PPM1B: variants seen among roughly 807,000 people sequenced by gnomAD.
PPM1B encodes protein phosphatase 1B.
Under a neutral mutation model 43.0 loss-of-function variants are expected in PPM1B, and 22 were observed. The observed-to-expected ratio is 0.51, with a 90% CI of 0.37 to 0.73. The LOEUF is 0.73. Among genes scored for constraint, PPM1B ranks in the 30% least tolerant of loss-of-function variants. The pLI is 0.00. For missense variants in PPM1B, 632 were observed against 584.2 expected (o/e 1.08, Z -0.84); for synonymous variants, 217 against 197.9 (o/e 1.10, Z -0.81).
In PPM1B at chr2:44,201,046, G is replaced by T; in HGVS notation, c.-14-140G>T. 2 of 850,766 alleles carry T rather than the reference G, an allele frequency of 2.4e-6. No individual in the cohort carries two copies. Among genetic ancestry groups the T allele is most frequent in the Non-Finnish European group, 3.4e-6 (2 of 584,130 alleles). 52.7% of individuals were successfully genotyped at this position (850,766 alleles called of 1,614,324 possible). Reference sequence around the variant, plus strand: ...TAGGATGTAGGGGAGGAAATTTCTTGGGCTTTTGTTGTTGCTCCCGTAAAT... The same window carrying T: ...TAGGATGTAGGGGAGGAAATTTCTTTGGCTTTTGTTGTTGCTCCCGTAAAT... On this transcript the variant is annotated intron_variant, in intron 1 of 5. Transcript: ENST00000282412. The surrounding 1 kb of genome is among the most constrained non-coding windows in gnomAD (Gnocchi z 5.4).
chr2:44,188,196 C>G (rs1049966825), intron 1 of PPM1B, among the ~76,000 whole-genome samples: 2 of 152,130 alleles, frequency 1.3e-5, no homozygotes, highest in Admixed American at 6.6e-5. Flanking sequence ...ATGTTTAAAT[C>G]TGAAAAGCAG....
intron 1 of PPM1B, among the ~76,000 whole-genome samples, chr2:44,175,132 TAATCCTAGCTA>T: frequency 6.6e-6 from 1 of 152,272 alleles, no homozygotes; most frequent in African/African-American, 2.4e-5. Flanking sequence ...CATGTGCCTG[TAATCCTAGCTA>T]CTCAGGAGGC....
At chr2:44,178,304 C>A (rs1667683388) in intron 1 of PPM1B, among the ~76,000 whole-genome samples, 1 of 151,746 alleles carries the variant, frequency 6.6e-6, no homozygotes, top group African/African-American at 2.4e-5. Context: ...CATTTACATG[C>A]CATATATATA....
chr2:44,232,204 A>G, downstream of PPM1B: 2 of 1,460,244 alleles, frequency 1.4e-6, no homozygotes, highest in South Asian at 1.3e-5. Flanking sequence ...TACCCTTTTC[A>G]GACAAAGAAA....
intron 5 of PPM1B, among the ~76,000 whole-genome samples, chr2:44,227,357 A>G (rs891215457): frequency 6.6e-6 from 1 of 152,156 alleles, no homozygotes; most frequent in African/African-American, 2.4e-5. Flanking sequence ...CTTGTTGTGG[A>G]AAATTGGAAA....
In PPM1B at chr2:44,218,530, G is replaced by A. The variant is rs550959476; in HGVS notation, c.1127G>A (p.Ser376Asn). ...AGTAGACTGAATCCACATAGAGAAA[G>A]TGATGGGGTAAGTTTTATTTTATTT... Reference protein sequence around the residue: ...VYSRLNPHRESDGASDEAEES... With the variant: ...VYSRLNPHRENDGASDEAEES... The change falls in exon 5 of 6, where the codon AGT becomes AAT. Residue 376 changes from serine (S) to asparagine (N), a missense_variant. Coordinates refer to ENST00000282412, the MANE Select transcript of PPM1B (RefSeq NM_002706.6). 3 of 1,580,788 alleles carry A rather than the reference G, an allele frequency of 1.9e-6. No homozygotes were observed. In the African/African-American group the frequency reaches 4.1e-5, roughly 22 times the overall value.
At chr2:44,194,834 C>A (rs1289485811) in intron 1 of PPM1B, among the ~76,000 whole-genome samples, 1 of 151,642 alleles carries the variant, frequency 6.6e-6, no homozygotes, top group African/African-American at 2.4e-5. Context: ...TCAGCTAAAT[C>A]TGCTGTCTCT....
chr2:44,181,924 G>A lies in PPM1B; in HGVS notation c.-15+12650G>A, dbSNP rs957637512. Among the ~76,000 whole-genome samples, 6 of 151,996 alleles carry A rather than the reference G, an allele frequency of 3.9e-5. No individual in the cohort carries two copies. The South Asian group carries it at 1.2e-3, about 32-fold the overall frequency. On this transcript the variant is annotated intron_variant, in intron 1 of 5. Coordinates refer to ENST00000282412, the MANE Select transcript of PPM1B (RefSeq NM_002706.6). ...GGGACCCCACTTCCCTTTTTCAGAG[G>A]GTACAGAAAAAAGAATAAAGAATAA...
rs55716263 is a variant in PPM1B, at chr2:44,211,742, C to CT, written c.964+2439dup. ...CCAACTGGTGATTTTCTGATTCTGT[C>CT]TTTTTTTTTTTTTTTTTTTTTTTTA... On this transcript the variant is annotated intron_variant, in intron 3 of 5. Transcript: ENST00000282412. Among the ~76,000 whole-genome samples, 531 of 78,294 alleles carry CT rather than the reference C, an allele frequency of 6.8e-3. 3 individuals carry two copies. The highest frequency in any genetic ancestry group is 8.6e-3 in the African/African-American group (171 of 19,956). 51.4% of individuals were successfully genotyped at this position (78,294 alleles called of 152,430 possible).
intron 5 of PPM1B, among the ~76,000 whole-genome samples, chr2:44,239,806 C>G (rs143967356): frequency 4.6e-5 from 7 of 152,230 alleles, no homozygotes; most frequent in African/African-American, 1.2e-4. Context: ...TGTGCCAACA[C>G]CATGCCACCC....
At chr2:44,218,156 A>T (rs1034199783) in intron 4 of PPM1B, 78 bp downstream of exon 4, 96 of 1,049,118 alleles carry the variant, frequency 9.2e-5, no homozygotes, top group Non-Finnish European at 1.3e-4. Flanking sequence ...AACTTAAATC[A>T]GAAGTACATC....
intron 5 of PPM1B, among the ~76,000 whole-genome samples, chr2:44,243,036 A>G (rs1021134178): frequency 4.6e-5 from 7 of 152,178 alleles, no homozygotes; most frequent in Non-Finnish European, 7.4e-5. Context: ...AAAAAACACA[A>G]TCTCAACCTC....
chr2:44,222,073 A>G (rs1670003514), intron 5 of PPM1B, among the ~76,000 whole-genome samples: 1 of 152,140 alleles, frequency 6.6e-6, no homozygotes, highest in Non-Finnish European at 1.5e-5. Flanking sequence ...AAATTTCCAG[A>G]AAAAGCAAAA....
chr2:44,213,076 A>G (rs1669555979), intron 3 of PPM1B, among the ~76,000 whole-genome samples: 2 of 150,026 alleles, frequency 1.3e-5, no homozygotes. Flanking sequence ...TTACCCTGAG[A>G]AAATGAAAAT....
intron 5 of PPM1B, among the ~76,000 whole-genome samples, chr2:44,228,934 G>A (rs1670348074): frequency 6.6e-6 from 1 of 152,076 alleles, no homozygotes; most frequent in Admixed American, 6.5e-5. Flanking sequence ...TGTAATCCCA[G>A]CACTTTGGGA....
intron 5 of PPM1B, among the ~76,000 whole-genome samples, chr2:44,220,931 C>G (rs1333103410): frequency 6.6e-6 from 1 of 152,150 alleles, no homozygotes; most frequent in East Asian, 1.9e-4. Context: ...GAAAGGACAT[C>G]TTTTTTGGCT....
chr2:44,227,927 T>C (rs1010383731), intron 5 of PPM1B, among the ~76,000 whole-genome samples: 9 of 144,134 alleles, frequency 6.2e-5, no homozygotes, highest in East Asian at 2.0e-4. Flanking sequence ...CTTTTCTTTT[T>C]TTTTTTTTTT....
At chr2:44,195,037 G>A (rs927332993) in intron 1 of PPM1B, among the ~76,000 whole-genome samples, 2 of 150,952 alleles carry the variant, frequency 1.3e-5, no homozygotes, top group African/African-American at 2.4e-5. Context: ...GATGACAGGC[G>A]CTTGCCACCA....
At chr2:44,186,726 C>A (rs1668142046) in intron 1 of PPM1B, among the ~76,000 whole-genome samples, 1 of 152,186 alleles carries the variant, frequency 6.6e-6, no homozygotes, top group Non-Finnish European at 1.5e-5. Flanking sequence ...TTCATTTAGA[C>A]ATTATCATTT....
Sources: allele counts gnomAD v4.1 joint callset (sites outside exome capture counted in the v4.1 genomes callset), GRCh38; gene constraint gnomAD v4.1.1; non-coding constraint Gnocchi (gnomAD v3.1); transcripts MANE v1.5; gene names NCBI Gene and HGNC (gene_info 2026-07-23, HGNC 2026-07-21).